ZSCAN5A: variants seen among roughly 807,000 people sequenced by gnomAD.
ZSCAN5A encodes zinc finger and SCAN domain-containing protein 5A.
ZSCAN5A carries 12 observed loss-of-function variants against 23.7 expected under a neutral mutation model. That is an observed-to-expected ratio of 0.51 (90% CI 0.32 to 0.82). The LOEUF is 0.82. ZSCAN5A is among the 40% of genes least tolerant of loss of function. The pLI, the probability that ZSCAN5A is intolerant of heterozygous loss-of-function variation, is 0.03. For synonymous variants in ZSCAN5A, 257 were observed against 239.9 expected, an observed-to-expected ratio of 1.07 and a Z score of -0.66; for missense variants, 597 against 617.9, an observed-to-expected ratio of 0.97 and a Z score of 0.36.
At chr19:56,233,618 T>G (rs2034643150) in intron 2 of ZSCAN5A, among the ~76,000 whole-genome samples, 1 of 151,946 alleles carries the variant, frequency 6.6e-6, no homozygotes, top group African/African-American at 2.4e-5. Flanking sequence ...TCACCTTTTT[T>G]TTTTTTTTTG....
At chr19:56,298,522 G>A (rs1471274767) in intron 2 of ZSCAN5A, among the ~76,000 whole-genome samples, 4 of 151,260 alleles carry the variant, frequency 2.6e-5, no homozygotes, top group Non-Finnish European at 5.9e-5. Context: ...GCGTGGTGGC[G>A]GGTGCCTGTA....
intron 2 of ZSCAN5A, among the ~76,000 whole-genome samples, chr19:56,303,240 G>C (rs1443967553): frequency 2.6e-5 from 4 of 152,168 alleles, no homozygotes; most frequent in Admixed American, 6.5e-5. Context: ...AGCACTGTGG[G>C]AGGCTGAGGC....
intron 2 of ZSCAN5A, among the ~76,000 whole-genome samples, chr19:56,232,667 ATTTTTTTTTCTT>A (rs113831394): frequency 0.15 from 22,559 of 150,906 alleles, 1,840 homozygotes; most frequent in East Asian, 0.22. Flanking sequence ...ATATAGGCTA[ATTTTTTTTTCTT>A]TTTCTTTTTC....
intron 2 of ZSCAN5A, among the ~76,000 whole-genome samples, chr19:56,302,284 C>A (rs996583805): frequency 1.3e-5 from 2 of 151,632 alleles, no homozygotes; most frequent in African/African-American, 4.8e-5. Flanking sequence ...TTCATTCTTC[C>A]TTCCTCTCTC....
intron 2 of ZSCAN5A, among the ~76,000 whole-genome samples, chr19:56,334,428 G>C (rs928928664): frequency 2.0e-5 from 3 of 152,200 alleles, no homozygotes; most frequent in Non-Finnish European, 4.4e-5. Context: ...TTTCCAACAT[G>C]ATGTATCAGT....
chr19:56,293,372 T>C (rs1461255676), intron 2 of ZSCAN5A, among the ~76,000 whole-genome samples: 1 of 151,950 alleles, frequency 6.6e-6, no homozygotes, highest in African/African-American at 2.4e-5. Flanking sequence ...TATTAAACAA[T>C]GCAAACTCAA....
chr19:56,347,004 G>A (rs2041638430), intron 2 of ZSCAN5A: 1 of 152,354 alleles, frequency 6.6e-6, no homozygotes, highest in Admixed American at 6.5e-5. Context: ...TGGGATTACA[G>A]GCGTGAGCCA....
At chr19:56,316,985 T>C (rs1208921719), upstream of ZSCAN5A, among the ~76,000 whole-genome samples, 2 of 152,156 alleles carry the variant, frequency 1.3e-5, no homozygotes, top group Admixed American at 6.5e-5. Flanking sequence ...TACAGGCGCA[T>C]GCCACCACCT....
intron 2 of ZSCAN5A, among the ~76,000 whole-genome samples, chr19:56,225,683 T>A (rs2033856160): frequency 6.6e-6 from 1 of 152,228 alleles, no homozygotes; most frequent in Non-Finnish European, 1.5e-5. Context: ...AGATATTTTG[T>A]TATTTTGGTA....
At chr19:56,248,616 A>G (rs2036123419) in intron 2 of ZSCAN5A, among the ~76,000 whole-genome samples, 1 of 152,054 alleles carries the variant, frequency 6.6e-6, no homozygotes, top group Non-Finnish European at 1.5e-5. Flanking sequence ...AATTTTTTGT[A>G]GTGATGGGAT....
intron 2 of ZSCAN5A, chr19:56,281,709 T>C (rs1427693835): frequency 2.0e-6 from 2 of 985,150 alleles, no homozygotes; most frequent in South Asian, 4.7e-5. Flanking sequence ...GTAAGTCATA[T>C]CTCCTTCTCC....
intron 2 of ZSCAN5A, among the ~76,000 whole-genome samples, chr19:56,245,854 T>C (rs565491188): frequency 4.7e-4 from 71 of 152,050 alleles, no homozygotes; most frequent in African/African-American, 1.5e-3. Flanking sequence ...TCTGGAGATG[T>C]GTTTGTGTGT....
intron 2 of ZSCAN5A, among the ~76,000 whole-genome samples, chr19:56,256,605 G>A (rs187334288): frequency 6.6e-6 from 1 of 152,186 alleles, no homozygotes; most frequent in Non-Finnish European, 1.5e-5. Context: ...CCACAGACAC[G>A]TATTTTAAGA....
At chr19:56,262,064 C>T (rs1238464777) in intron 2 of ZSCAN5A, among the ~76,000 whole-genome samples, 1 of 152,136 alleles carries the variant, frequency 6.6e-6, no homozygotes, top group Non-Finnish European at 1.5e-5. Flanking sequence ...CTCTGTTGCC[C>T]AGGCTGGAGT....
chr19:56,245,912 G>A (rs149130715), intron 2 of ZSCAN5A, among the ~76,000 whole-genome samples: 4 of 152,228 alleles, frequency 2.6e-5, no homozygotes, highest in African/African-American at 7.2e-5. Flanking sequence ...GGGTGGAGGC[G>A]GGGTCTCTGC....
At chr19:56,331,627 A>C (rs1401476040) in intron 2 of ZSCAN5A, among the ~76,000 whole-genome samples, 1 of 114,988 alleles carries the variant, frequency 8.7e-6, no homozygotes, top group African/African-American at 3.5e-5. Context: ...TCGCTCTGTC[A>C]CCCAGGCTGG....
intron 2 of ZSCAN5A, among the ~76,000 whole-genome samples, chr19:56,326,156 C>T (rs1423927617): frequency 2.0e-5 from 3 of 151,930 alleles, no homozygotes; most frequent in Non-Finnish European, 4.4e-5. Flanking sequence ...CCAGGATGGT[C>T]TCGATCTCCT....
At chr19:56,322,198 G>A (rs1027514412) in intron 2 of ZSCAN5A, 10 of 838,518 alleles carry the variant, frequency 1.2e-5, no homozygotes, top group Non-Finnish European at 2.1e-5. Context: ...CTTCAACATA[G>A]ACCAGGCTCA....
intron 2 of ZSCAN5A, among the ~76,000 whole-genome samples, chr19:56,284,839 G>A (rs1457090774): frequency 6.6e-6 from 1 of 152,150 alleles, no homozygotes; most frequent in Non-Finnish European, 1.5e-5. Context: ...AGGTAGGAAA[G>A]GGGATTAAGT....
Sources: allele counts gnomAD v4.1 joint callset (sites outside exome capture counted in the v4.1 genomes callset), GRCh38; gene constraint gnomAD v4.1.1; transcripts MANE v1.5; gene names NCBI Gene and HGNC (gene_info 2026-07-23, HGNC 2026-07-21).